The following TPCN1 variants were observed in gnomAD, a reference collection of about 807,000 sequenced individuals.
TPCN1 encodes two pore segment channel 1.
In TPCN1, 52 loss-of-function variants were observed where a neutral mutation model predicts 108.8. That is an observed-to-expected ratio of 0.48 (90% CI 0.38 to 0.60). The LOEUF (loss-of-function observed/expected upper bound fraction) is 0.60. Ranked by LOEUF, TPCN1 falls within the 20% of genes least tolerant of loss-of-function variation. The probability of loss-of-function intolerance (pLI) is 0.00; values close to 1 mark genes in which losing one functional copy is unlikely to be tolerated. For missense variants in TPCN1, 806 were observed against 1,072.8 expected, an observed-to-expected ratio of 0.75 and a Z score of 3.47; for synonymous variants, 446 against 433.7, an observed-to-expected ratio of 1.03 and a Z score of -0.35.
intron 3 of TPCN1, among the ~76,000 whole-genome samples, chr12:113,264,511 T>G (rs1955170705): frequency 6.6e-6 from 1 of 151,994 alleles, no homozygotes; most frequent in African/African-American, 2.4e-5. Context: ...AAACACCATC[T>G]CTACTAAAAA....
At position 113,232,096 on chromosome 12, in the gene TPCN1, C is replaced by T. The variant is rs929948340; in HGVS notation, c.112+5132C>T. On this transcript the variant is annotated intron_variant, in intron 2 of 27. Coordinates refer to ENST00000335509, the MANE Select transcript of TPCN1 (RefSeq NM_017901.6). The surrounding 1 kb of genome is among the most constrained non-coding windows in gnomAD (Gnocchi z 5.6). ...TTCTGAGTGAAGGAAGGATTGGGCT[C>T]GCGGGGGCTGGCTGAGGTCTGAGCA... is the stretch of plus-strand genomic sequence containing the variant. Among the ~76,000 whole-genome samples, 2 of 152,212 alleles carry T rather than the reference C, an allele frequency of 1.3e-5. No homozygotes were observed. The highest frequency in any genetic ancestry group is 1.9e-4 in the East Asian group (1 of 5,196).
At chr12:113,286,033 C>A in intron 18 of TPCN1, 72 bp downstream of exon 18, 1 of 1,349,068 alleles carries the variant, frequency 7.4e-7, no homozygotes, top group Non-Finnish European at 1.1e-6. Flanking sequence ...CTCTGCACAC[C>A]CTGATCCCGG....
At chr12:113,256,344 A>C (rs997961753) in intron 2 of TPCN1, among the ~76,000 whole-genome samples, 9 of 150,584 alleles carry the variant, frequency 6.0e-5, no homozygotes, top group Admixed American at 4.6e-4. Flanking sequence ...CTGGGTATGC[A>C]TGTATGTATG....
chr12:113,222,706 AC>A (rs1334934669), intron 1 of TPCN1, among the ~76,000 whole-genome samples: 9 of 151,110 alleles, frequency 6.0e-5, no homozygotes, highest in Admixed American at 5.9e-4. Context: ...TGCATGAACA[AC>A]CCCCCTGCCT....
At chr12:113,295,303 T>C (rs1454384295) in intron 27 of TPCN1, among the ~76,000 whole-genome samples, 2 of 151,810 alleles carry the variant, frequency 1.3e-5, no homozygotes, top group Non-Finnish European at 2.9e-5. Context: ...TAGGGTAGGG[T>C]ATGGTGGTGC....
In TPCN1 at chr12:113,272,757, CCG is replaced by C; in HGVS notation, c.783+66_783+67del. 2.0e-6 allele frequency: 3 copies of C among 1,520,248 alleles called. No homozygotes were observed. The highest frequency in any genetic ancestry group is 2.7e-6 in the Non-Finnish European group (3 of 1,094,680). 94.2% of individuals were successfully genotyped at this position (1,520,248 alleles called of 1,614,324 possible). On this transcript the variant is annotated intron_variant, in intron 8 of 27. Transcript: ENST00000335509. The surrounding 1 kb of genome is among the most constrained non-coding windows in gnomAD (Gnocchi z 4.1). The stretch of plus-strand genomic sequence containing the variant: ...AGGGCTTTTCCCTCAGACAGGGTCA[CCG>C]GCGTGACCCTGTGGCCATATGGGGA...
Position 113,288,619 on chromosome 12 carries a change from C to A in TPCN1, c.1707-139C>A. On this transcript the variant is annotated intron_variant, in intron 20 of 27. Transcript: ENST00000335509. The surrounding 1 kb of genome is among the most constrained non-coding windows in gnomAD (Gnocchi z 4.8). ...CAGAGCTGCCCCACGAGGCCCCTTC[C>A]CCGCAGGCACTTTCCAGTTGGTGAA... 6.6e-7 allele frequency: 1 copy of A among 1,519,370 alleles called. No individual in the cohort carries two copies. Among genetic ancestry groups the A allele is most frequent in the South Asian group, 1.3e-5 (1 of 79,542 alleles). The allele number at this position is 1,519,370 out of a possible 1,614,324, so 94.1% of individuals were successfully genotyped here. A position where few individuals can be genotyped will look rare whatever the true frequency, so the allele number is the denominator to read the frequency against.
At position 113,226,877 on chromosome 12, in the gene TPCN1, G is replaced by A. The variant is rs746208458; in HGVS notation, c.25G>A (p.Val9Met). 20 of 1,614,042 alleles carry A rather than the reference G, an allele frequency of 1.2e-5. No individual in the cohort carries two copies. Among genetic ancestry groups the A allele is most frequent in the East Asian group, 6.7e-5 (3 of 44,884 alleles). ...CATGGCTGTGAGTTTGGATGACGAC[G>A]TGCCGCTCATCCTGACCTTGGATGA... is the stretch of plus-strand genomic sequence containing the variant. MAVSLDDD[V>M]PLILTLDEGG... The change falls in exon 2 of 28, where the codon GTG (valine) becomes ATG (methionine). Residue 9 changes from valine to methionine, a missense_variant. Coordinates refer to ENST00000335509, the MANE Select transcript of TPCN1 (RefSeq NM_017901.6).
At chr12:113,228,947 G>A (rs1953575042) in intron 2 of TPCN1, among the ~76,000 whole-genome samples, 2 of 152,198 alleles carry the variant, frequency 1.3e-5, no homozygotes, top group South Asian at 4.1e-4. Flanking sequence ...GGGAATCCTG[G>A]CTGTCATCGT....
At chr12:113,294,274 G>A (rs765679423) in intron 27 of TPCN1, 1 of 152,086 alleles carries the variant, frequency 6.6e-6, no homozygotes, top group Non-Finnish European at 1.5e-5. Context: ...TAGCAGTGAG[G>A]TCTTGCTGGG....
intron 1 of TPCN1, chr12:113,225,357 C>A: frequency 2.7e-6 from 1 of 370,736 alleles, no homozygotes; most frequent in Non-Finnish European, 5.4e-6. Context: ...CTGTGCCCAG[C>A]CTATTTTTTT....
intron 2 of TPCN1, among the ~76,000 whole-genome samples, chr12:113,228,601 C>A (rs144682096): frequency 1.3e-5 from 2 of 152,110 alleles, no homozygotes; most frequent in Non-Finnish European, 2.9e-5. Context: ...CAGAGCAAGA[C>A]CCTGTCTCAA....
chr12:113,223,435 C>CTGTTTTTTTTTTT (rs1953339941), intron 1 of TPCN1, among the ~76,000 whole-genome samples: 1 of 120,294 alleles, frequency 8.3e-6, no homozygotes, highest in South Asian at 2.7e-4. Flanking sequence ...TCTGCTGAGT[C>CTGTTTTTTTTTTT]TTTTTTTTTT....
chr12:113,250,307 A>C (rs1279796196), intron 2 of TPCN1, among the ~76,000 whole-genome samples: 1 of 152,248 alleles, frequency 6.6e-6, no homozygotes, highest in Non-Finnish European at 1.5e-5. Flanking sequence ...TTCTGAAGCC[A>C]TCTGCACCCA....
chr12:113,229,463 C>T (rs1200863833), intron 2 of TPCN1, among the ~76,000 whole-genome samples: 3 of 152,172 alleles, frequency 2.0e-5, no homozygotes, highest in African/African-American at 7.2e-5. Flanking sequence ...CCCCAGCGTC[C>T]CCCTGTCCCT....
At position 113,246,856 on chromosome 12, in the gene TPCN1, C is replaced by G. The variant is rs371380029; in HGVS notation, c.113-13512C>G. On this transcript the variant is annotated intron_variant, in intron 2 of 27. Coordinates refer to ENST00000335509, the MANE Select transcript of TPCN1 (RefSeq NM_017901.6). Reference sequence around the variant, plus strand: ...AGCACCAGTTGGAGAGGGCCAGCCCCGGCACACAGAGGAAGGGGCTGGACT... The same window carrying G: ...AGCACCAGTTGGAGAGGGCCAGCCCGGGCACACAGAGGAAGGGGCTGGACT... Among the ~76,000 whole-genome samples the G allele has an allele frequency of 5.3e-4, 80 of 152,304 alleles. 1 individual carries two copies. Among genetic ancestry groups the G allele is most frequent in the African/African-American group, 1.8e-3 (74 of 41,568 alleles).
At position 113,242,462 on chromosome 12, in the gene TPCN1, G is replaced by T. The variant is rs79454004; in HGVS notation, c.112+15498G>T. On this transcript the variant is annotated intron_variant, in intron 2 of 27. Coordinates refer to ENST00000335509, the MANE Select transcript of TPCN1 (RefSeq NM_017901.6). Reference sequence around the variant, plus strand: ...TTGGGCAAGTCACTCAGCTTCTCTGGGCCTTAGTTTCACCCTCTGTAAACT... The same window carrying T: ...TTGGGCAAGTCACTCAGCTTCTCTGTGCCTTAGTTTCACCCTCTGTAAACT... 6.9e-3 allele frequency among the ~76,000 whole-genome samples: 1,058 copies of T among 152,276 alleles called. 47 individuals carry two copies. The East Asian group carries it at 0.14, about 20-fold the overall frequency.
At position 113,232,562 on chromosome 12, in the gene TPCN1, A is replaced by G. The variant is rs1953728403; in HGVS notation, c.112+5598A>G. Reference sequence around the variant, plus strand: ...CCCCAGCATACTTGCCAAAGAGTGAAGAAGCCCAAGGGGCTTGCACAGCTT... The same window carrying G: ...CCCCAGCATACTTGCCAAAGAGTGAGGAAGCCCAAGGGGCTTGCACAGCTT... On this transcript the variant is annotated intron_variant, in intron 2 of 27. Coordinates refer to ENST00000335509, the MANE Select transcript of TPCN1 (RefSeq NM_017901.6). The surrounding 1 kb of genome is among the most constrained non-coding windows in gnomAD (Gnocchi z 5.6). Among the ~76,000 whole-genome samples the G allele has an allele frequency of 6.6e-6, 1 of 152,370 alleles. No homozygotes were observed. The highest frequency in any genetic ancestry group is 1.9e-4 in the East Asian group (1 of 5,186).
At chr12:113,280,610 C>T (rs1955854171) in intron 15 of TPCN1, among the ~76,000 whole-genome samples, 1 of 152,200 alleles carries the variant, frequency 6.6e-6, no homozygotes, top group Non-Finnish European at 1.5e-5. Context: ...GTGTGGAAGC[C>T]ACTGGCCACA....
Sources: allele counts gnomAD v4.1 joint callset (sites outside exome capture counted in the v4.1 genomes callset), GRCh38; gene constraint gnomAD v4.1.1; non-coding constraint Gnocchi (gnomAD v3.1); transcripts MANE v1.5; gene names NCBI Gene and HGNC (gene_info 2026-07-23, HGNC 2026-07-21).